PSMD14: variants seen among roughly 807,000 people sequenced by gnomAD.
PSMD14 encodes the protein ubiquitin C-terminal hydrolase PSMD14.
Under a neutral mutation model 41.2 loss-of-function variants are expected in PSMD14, and 7 were observed. The ratio of observed to expected loss-of-function variants is 0.17; its 90% CI spans 0.10 to 0.32. The LOEUF (loss-of-function observed/expected upper bound fraction) is 0.32. Among genes scored for constraint, PSMD14 ranks in the 10% least tolerant of loss-of-function variants. The pLI is 1.00. For synonymous variants in PSMD14, 114 were observed against 122.3 expected (o/e 0.93, Z 0.45); for missense variants, 139 against 375.6 (o/e 0.37, Z 5.21).
intron 10 of PSMD14, among the ~76,000 whole-genome samples, chr2:161,404,123 C>T (rs1241622500): frequency 6.6e-6 from 1 of 151,486 alleles, no homozygotes; most frequent in Non-Finnish European, 1.5e-5. Context: ...CCTAGGTGGT[C>T]TCAACCTCCT....
At chr2:161,345,981 T>A (rs1217782572) in intron 3 of PSMD14, among the ~76,000 whole-genome samples, 1 of 152,162 alleles carries the variant, frequency 6.6e-6, no homozygotes, top group African/African-American at 2.4e-5. Flanking sequence ...AGCCTTGACT[T>A]CCCAGGCTTA....
intron 3 of PSMD14, among the ~76,000 whole-genome samples, chr2:161,359,946 T>G (rs1333934148): frequency 6.6e-6 from 1 of 152,226 alleles, no homozygotes; most frequent in Non-Finnish European, 1.5e-5. Context: ...CTCGAAGCTT[T>G]TGTTTAACCA....
chr2:161,370,988 A>G (rs1377312949), intron 6 of PSMD14, among the ~76,000 whole-genome samples, 184 bp from the exon 7 acceptor site: 1 of 152,188 alleles, frequency 6.6e-6, no homozygotes, highest in Non-Finnish European at 1.5e-5. Flanking sequence ...TTTGTCACAC[A>G]TATTCATTTC....
chr2:161,407,762 C>T (rs1225950108), intron 10 of PSMD14: 1 of 152,074 alleles, frequency 6.6e-6, no homozygotes, highest in Non-Finnish European at 1.5e-5. Flanking sequence ...ACCACCATCT[C>T]ACCTCCTTTT....
intron 3 of PSMD14, chr2:161,341,140 C>T: frequency 3.3e-6 from 4 of 1,222,082 alleles, no homozygotes; most frequent in South Asian, 2.1e-5. Context: ...GCCGCCGGCT[C>T]GGGGGCGCAG....
chr2:161,328,331 A>C (rs1682732925), intron 3 of PSMD14, among the ~76,000 whole-genome samples: 1 of 152,198 alleles, frequency 6.6e-6, no homozygotes, highest in Non-Finnish European at 1.5e-5. Context: ...TCTATATACC[A>C]ATATGCATAA....
At chr2:161,340,067 G>T (rs1305491401) in intron 3 of PSMD14, among the ~76,000 whole-genome samples, 2 of 152,162 alleles carry the variant, frequency 1.3e-5, no homozygotes, top group Non-Finnish European at 2.9e-5. Flanking sequence ...AAAGGCATAG[G>T]TCAAGAAATC....
At chr2:161,325,726 A>G (rs1302779233) in intron 3 of PSMD14, among the ~76,000 whole-genome samples, 1 of 152,208 alleles carries the variant, frequency 6.6e-6, no homozygotes, top group Non-Finnish European at 1.5e-5. Flanking sequence ...AAAAGGAAAA[A>G]GAAATTTGCT....
At chr2:161,313,160 A>G (rs988982506) in intron 1 of PSMD14, among the ~76,000 whole-genome samples, 3 of 152,146 alleles carry the variant, frequency 2.0e-5, no homozygotes, top group Non-Finnish European at 2.9e-5. Context: ...CAGAGCCAGT[A>G]TTTGAATCTG....
At chr2:161,323,953 G>A (rs1261875192) in intron 3 of PSMD14, among the ~76,000 whole-genome samples, 1 of 152,158 alleles carries the variant, frequency 6.6e-6, no homozygotes. Flanking sequence ...CTCCACCTAG[G>A]TCTTGGCATC....
chr2:161,334,627 A>G (rs1016800343), intron 3 of PSMD14, among the ~76,000 whole-genome samples: 4 of 152,272 alleles, frequency 2.6e-5, no homozygotes, highest in African/African-American at 9.6e-5. Context: ...GAAGTATAAG[A>G]AAGAGAAAAT....
chr2:161,406,614 A>G (rs780424220), intron 10 of PSMD14, among the ~76,000 whole-genome samples: 2 of 152,170 alleles, frequency 1.3e-5, no homozygotes, highest in Non-Finnish European at 2.9e-5. Context: ...AGATAGAGAA[A>G]ATATTTAGGC....
chr2:161,393,328 G>A (rs1683740679), intron 9 of PSMD14, among the ~76,000 whole-genome samples: 1 of 152,134 alleles, frequency 6.6e-6, no homozygotes, highest in Non-Finnish European at 1.5e-5. Flanking sequence ...CAGTATCAGT[G>A]GAGAAGCTAG....
At chr2:161,366,415 CACACACAA>C (rs998068301) in intron 3 of PSMD14, among the ~76,000 whole-genome samples, 18 of 151,626 alleles carry the variant, frequency 1.2e-4, no homozygotes, top group African/African-American at 4.4e-4. Context: ...CACACACACA[CACACACAA>C]AAGCACAAAG....
At chr2:161,336,075 A>G (rs1172283610) in intron 3 of PSMD14, among the ~76,000 whole-genome samples, 1 of 152,202 alleles carries the variant, frequency 6.6e-6, no homozygotes, top group Non-Finnish European at 1.5e-5. Context: ...ATTGTGGCAG[A>G]ATAGCTTTGC....
intron 1 of PSMD14, among the ~76,000 whole-genome samples, chr2:161,313,739 T>G (rs900796220): frequency 6.6e-6 from 1 of 152,250 alleles, no homozygotes; most frequent in Non-Finnish European, 1.5e-5. Flanking sequence ...ATGGTTTGAA[T>G]GAACTGCTCA....
chr2:161,332,548 A>C (rs925485265), intron 3 of PSMD14, among the ~76,000 whole-genome samples: 5 of 152,182 alleles, frequency 3.3e-5, no homozygotes, highest in African/African-American at 1.2e-4. Flanking sequence ...CATCTGTGAA[A>C]TTGTTGATCA....
At position 161,380,508 on chromosome 2, in the gene PSMD14, G is replaced by A. The variant is rs553299252; in HGVS notation, c.463-4956G>A. Among the ~76,000 whole-genome samples the A allele has an allele frequency of 2.6e-5, 4 of 151,988 alleles. No individual in the cohort carries two copies. The South Asian group carries it at 8.3e-4, about 31-fold the overall frequency. ...TTGTCAAAAAAAGTAAATTATGCAAGTTACACCCCATCCCCCTTTTCTCCC... is the reference window on the plus strand; with the variant it reads ...TTGTCAAAAAAAGTAAATTATGCAAATTACACCCCATCCCCCTTTTCTCCC... On this transcript the variant is annotated intron_variant, in intron 7 of 11. Coordinates refer to ENST00000409682, the MANE Select transcript of PSMD14 (RefSeq NM_005805.6).
chr2:161,376,810 G>T (rs908032632), intron 7 of PSMD14, among the ~76,000 whole-genome samples: 1 of 151,852 alleles, frequency 6.6e-6, no homozygotes, highest in African/African-American at 2.4e-5. Flanking sequence ...TTCATATCTT[G>T]GAATTCAGTG....
Sources: gnomAD v4.1 joint callset for allele counts (sites outside exome capture counted in the v4.1 genomes callset) on GRCh38, gnomAD v4.1.1 for gene constraint, MANE v1.5 for transcripts, NCBI Gene and HGNC (gene_info 2026-07-23, HGNC 2026-07-21) for gene names.